Variants in MYO16 observed in about 807,000 individuals in gnomAD.
MYO16 encodes unconventional myosin-XVI.
MYO16 carries 94 observed loss-of-function variants against 205.3 expected under a neutral mutation model. The ratio of observed to expected loss-of-function variants is 0.46; its 90% CI spans 0.39 to 0.54. The LOEUF is 0.54. MYO16 is among the 20% of genes least tolerant of loss of function. The pLI, the probability that MYO16 is intolerant of heterozygous loss-of-function variation, is 0.00. For missense variants in MYO16, 2,315 were observed against 2,387.5 expected (o/e 0.97, Z 0.63); for synonymous variants, 988 against 954.0 (o/e 1.04, Z -0.66).
chr13:108,886,331 C>G (rs72709947), intron 13 of MYO16: 24,828 of 449,548 alleles, frequency 0.055, 901 homozygotes, highest in Middle Eastern at 0.077. Context: ...CTGTACCAAC[C>G]CCTTATTTTG....
chr13:108,624,510 A>G (rs1296441142), intron 1 of MYO16, among the ~76,000 whole-genome samples: 1 of 152,208 alleles, frequency 6.6e-6, no homozygotes, highest in African/African-American at 2.4e-5. Context: ...ATTCACCATT[A>G]AGATATGCAA....
intron 1 of MYO16, among the ~76,000 whole-genome samples, chr13:108,646,147 A>C (rs1880745962): frequency 6.6e-6 from 1 of 152,190 alleles, no homozygotes; most frequent in Non-Finnish European, 1.5e-5. Context: ...CATGAAAGGA[A>C]AGTAAGAAAA....
chr13:108,866,072 C>A (rs1878697086), intron 11 of MYO16, 105 bp from the exon 12 acceptor site: 1 of 705,968 alleles, frequency 1.4e-6, no homozygotes, highest in Admixed American at 3.6e-5. Context: ...TAGATTTTTT[C>A]TTATTATTTA....
chr13:108,608,275 G>A (rs752319930), intron 1 of MYO16, among the ~76,000 whole-genome samples: 125 of 152,246 alleles, frequency 8.2e-4, no homozygotes, highest in Middle Eastern at 3.4e-3. Flanking sequence ...CATGGCTTCT[G>A]CCTTTGCCCT....
intron 21 of MYO16, among the ~76,000 whole-genome samples, chr13:109,000,759 A>G (rs1316559836): frequency 1.3e-5 from 2 of 151,818 alleles, no homozygotes; most frequent in South Asian, 2.1e-4. Flanking sequence ...TGTACAAGGT[A>G]TCATACAAAA....
At chr13:108,716,664 G>A (rs535387655) in intron 3 of MYO16, among the ~76,000 whole-genome samples, 36 of 152,204 alleles carry the variant, frequency 2.4e-4, no homozygotes, top group East Asian at 1.7e-3. Flanking sequence ...CCTTTTGGGC[G>A]TCCCACATTA....
At chr13:108,936,125 CTTCCTTCCTTCCTTCCTTCCTTCT>C (rs1882472469) in intron 16 of MYO16, among the ~76,000 whole-genome samples, 1 of 148,076 alleles carries the variant, frequency 6.8e-6, no homozygotes, top group East Asian at 2.0e-4. Flanking sequence ...TCCTTCCTTC[CTTCCTTCCTTCCTTCCTTCCTTCT>C]TTCCTTCCTT....
intron 16 of MYO16, among the ~76,000 whole-genome samples, chr13:108,946,524 AATAT>A (rs2139328361): frequency 6.6e-6 from 1 of 152,320 alleles, no homozygotes; most frequent in South Asian, 2.1e-4. Flanking sequence ...CTGTACACCC[AATAT>A]TAATTTAAAT....
rs540029886 is a variant in MYO16, at chr13:108,655,113, A to G, written c.29-10773A>G. On this transcript the variant is annotated intron_variant, in intron 1 of 34. Coordinates refer to ENST00000457511, the MANE Select transcript of MYO16 (RefSeq NM_001198950.3). ...ACAAGCAGCCGAATGTTAATCCCCA[A>G]GACAATGGAGAAAATGTCTCCAAGG... is the stretch of plus-strand genomic sequence containing the variant. Among the ~76,000 whole-genome samples, 96 of 152,348 alleles carry G rather than the reference A, an allele frequency of 6.3e-4. 1 individual carries two copies. The highest frequency in any genetic ancestry group is 2.2e-3 in the African/African-American group (90 of 41,584).
intron 9 of MYO16, among the ~76,000 whole-genome samples, chr13:108,844,032 T>C (rs1036961615): frequency 1.3e-5 from 2 of 152,194 alleles, no homozygotes; most frequent in East Asian, 1.9e-4. Context: ...AGTTCAGCCA[T>C]GCATTTCAAT....
chr13:108,620,820 A>C (rs569532087), intron 1 of MYO16, among the ~76,000 whole-genome samples: 53 of 152,196 alleles, frequency 3.5e-4, no homozygotes, highest in African/African-American at 1.1e-3. Flanking sequence ...CTGCTCCAAT[A>C]ATTTCCTATG....
chr13:108,913,834 C>G (rs1401361893), intron 16 of MYO16, among the ~76,000 whole-genome samples: 1 of 152,120 alleles, frequency 6.6e-6, no homozygotes, highest in Non-Finnish European at 1.5e-5. Context: ...TTGGCCAATC[C>G]CAGCGGCCAT....
chr13:109,062,788 C>A (rs1215052242), intron 27 of MYO16, among the ~76,000 whole-genome samples: 1 of 151,946 alleles, frequency 6.6e-6, no homozygotes, highest in African/African-American at 2.4e-5. Context: ...TGCCTCCAGG[C>A]AATGGAAACA....
At chr13:108,608,451 C>T (rs1023815650) in intron 1 of MYO16, among the ~76,000 whole-genome samples, 1 of 152,170 alleles carries the variant, frequency 6.6e-6, no homozygotes, top group Non-Finnish European at 1.5e-5. Flanking sequence ...TAGCCAGAAC[C>T]CTTCCTTGCA....
intron 32 of MYO16, among the ~76,000 whole-genome samples, chr13:109,155,925 G>C (rs1235156731): frequency 6.6e-6 from 1 of 151,840 alleles, no homozygotes; most frequent in Non-Finnish European, 1.5e-5. Context: ...ACAAATATTT[G>C]GATTATGCTA....
chr13:108,869,293 T>C (rs184862103), intron 12 of MYO16, among the ~76,000 whole-genome samples: 26 of 152,252 alleles, frequency 1.7e-4, no homozygotes, highest in Admixed American at 1.6e-3. Context: ...TTCCTCTCAG[T>C]GTATCATCCC....
chr13:108,970,931 A>G (rs747345109), intron 20 of MYO16, among the ~76,000 whole-genome samples: 1 of 151,988 alleles, frequency 6.6e-6, no homozygotes, highest in Non-Finnish European at 1.5e-5. Flanking sequence ...AGTTGTACAC[A>G]CTCCAGTTGC....
chr13:108,586,995 C>A, the MYO16 span, among the ~76,000 whole-genome samples: 1 of 152,186 alleles, frequency 6.6e-6, no homozygotes, highest in East Asian at 1.9e-4. Flanking sequence ...GCTTGCTGCA[C>A]AGAAAGCCAA....
At chr13:108,987,279 T>C (rs1205422427) in intron 20 of MYO16, among the ~76,000 whole-genome samples, 3 of 152,206 alleles carry the variant, frequency 2.0e-5, no homozygotes, top group Admixed American at 2.0e-4. Flanking sequence ...AGGCTTTCCA[T>C]AATTTCTGGC....
Sources: allele counts gnomAD v4.1 joint callset (sites outside exome capture counted in the v4.1 genomes callset), GRCh38; gene constraint gnomAD v4.1.1; transcripts MANE v1.5; gene names NCBI Gene and HGNC (gene_info 2026-07-23, HGNC 2026-07-21).